WWOX: variants seen among roughly 807,000 people sequenced by gnomAD.
WWOX encodes WW domain containing oxidoreductase, also known as WW domain-containing oxidoreductase.
Under a neutral mutation model 46.2 loss-of-function variants are expected in WWOX, and 69 were observed. The ratio of observed to expected loss-of-function variants is 1.49; its 90% CI spans 1.23 to 1.82. The LOEUF (loss-of-function observed/expected upper bound fraction) is 1.82. Ranked by LOEUF, WWOX falls within the 40% of genes most tolerant of loss-of-function variation. WWOX has a pLI of 0.00. For synonymous variants in WWOX, 359 were observed against 202.6 expected (o/e 1.77, Z -6.56); for missense variants, 919 against 542.6 (o/e 1.69, Z -6.89).
chr16:78,545,713 A>T (rs1353539134), intron 8 of WWOX, among the ~76,000 whole-genome samples: 1 of 152,188 alleles, frequency 6.6e-6, no homozygotes, highest in Non-Finnish European at 1.5e-5. Context: ...TAAACATTAG[A>T]AACTTACTGT....
intron 8 of WWOX, among the ~76,000 whole-genome samples, chr16:78,781,045 T>G (rs557458569): frequency 3.3e-5 from 5 of 152,242 alleles, no homozygotes; most frequent in Non-Finnish European, 7.4e-5. Context: ...GAAGATTGTT[T>G]TGCAGCTGCA....
intron 8 of WWOX, among the ~76,000 whole-genome samples, chr16:78,450,753 A>C (rs74030272): frequency 0.073 from 11,119 of 152,224 alleles, 492 homozygotes; most frequent in East Asian, 0.2. Context: ...TTCTCTATAA[A>C]TATAAAAGAG....
chr16:78,758,461 G>A (rs923860785), intron 8 of WWOX, among the ~76,000 whole-genome samples: 5 of 152,190 alleles, frequency 3.3e-5, no homozygotes, highest in Non-Finnish European at 7.3e-5. Context: ...AATTGGTTAG[G>A]CATGTTTATT....
chr16:78,459,854 G>C (rs1200328947), intron 8 of WWOX, among the ~76,000 whole-genome samples: 1 of 151,292 alleles, frequency 6.6e-6, no homozygotes, highest in Non-Finnish European at 1.5e-5. Context: ...CAGGCTGCTG[G>C]AGTGCAGTGG....
At chr16:78,548,581 T>G (rs1477395407) in intron 8 of WWOX, among the ~76,000 whole-genome samples, 4 of 152,214 alleles carry the variant, frequency 2.6e-5, no homozygotes, top group African/African-American at 9.6e-5. Flanking sequence ...TCCCATCAAT[T>G]TAAACATCAT....
chr16:78,193,211 T>G (rs999073504), intron 5 of WWOX, among the ~76,000 whole-genome samples: 6 of 152,384 alleles, frequency 3.9e-5, no homozygotes, highest in Middle Eastern at 3.4e-3. Context: ...ACCAATGTAT[T>G]CTGCCCACAG....
chr16:78,864,642 C>G (rs1313286209), intron 8 of WWOX, among the ~76,000 whole-genome samples: 1 of 151,936 alleles, frequency 6.6e-6, no homozygotes, highest in African/African-American at 2.4e-5. Context: ...GTTGAGGTCC[C>G]ATTGGGCCCA....
rs1486300210 is a variant in WWOX at position 79,212,058 on chromosome 16, G to GAAA, written c.*262_*263insAAA. ...GTGGCCTGTTTGAAAGTAAAAACCT[G>GAAA]CTTGGTGTGTAGGTTCCGTATCTCC... On this transcript the variant is annotated 3_prime_UTR_variant, in exon 9 of 9. Transcript: ENST00000566780. 64 of 1,536,330 alleles carry GAAA rather than the reference G, an allele frequency of 4.2e-5. No homozygotes were observed. The highest frequency in any genetic ancestry group is 5.5e-5 in the Non-Finnish European group (63 of 1,146,952).
At chr16:78,199,706 C>CAT (rs979930094) in intron 5 of WWOX, among the ~76,000 whole-genome samples, 66 of 152,302 alleles carry the variant, frequency 4.3e-4, no homozygotes, top group African/African-American at 1.5e-3. Context: ...GTCTGTGTCA[C>CAT]ATATACATGA....
At chr16:79,096,735 G>A (rs1344061550) in intron 8 of WWOX, among the ~76,000 whole-genome samples, 1 of 152,176 alleles carries the variant, frequency 6.6e-6, no homozygotes, top group Non-Finnish European at 1.5e-5. Context: ...AACAGGGCAG[G>A]TATTTCACCT....
intron 8 of WWOX, among the ~76,000 whole-genome samples, chr16:78,988,064 C>T (rs1421689263): frequency 6.6e-6 from 1 of 152,074 alleles, no homozygotes; most frequent in African/African-American, 2.4e-5. Flanking sequence ...AATTTCTGGT[C>T]TGGTGCTGTG....
At chr16:78,947,434 C>G (rs114613421) in intron 8 of WWOX, among the ~76,000 whole-genome samples, 150 of 152,282 alleles carry the variant, frequency 9.9e-4, no homozygotes, top group African/African-American at 3.2e-3. Flanking sequence ...CTTTTGAGTG[C>G]TAACTGAGAT....
chr16:78,520,624 G>A (rs1387242606), intron 8 of WWOX, among the ~76,000 whole-genome samples: 3 of 152,010 alleles, frequency 2.0e-5, no homozygotes, highest in Non-Finnish European at 2.9e-5. Flanking sequence ...CTGGGAGTGG[G>A]GTGGGGTGGG....
intron 8 of WWOX, among the ~76,000 whole-genome samples, chr16:78,961,997 C>T (rs2046279972): frequency 6.6e-6 from 1 of 152,132 alleles, no homozygotes; most frequent in Admixed American, 6.5e-5. Context: ...TCCCTTGTCT[C>T]TTGTCAGGAC....
chr16:78,144,117 G>A (rs928971923), intron 4 of WWOX, among the ~76,000 whole-genome samples: 2 of 152,028 alleles, frequency 1.3e-5, no homozygotes, highest in African/African-American at 4.8e-5. Flanking sequence ...CAGGCAATTT[G>A]TCAGTCTTAC....
chr16:78,392,016 A>G (rs139587137), intron 6 of WWOX, among the ~76,000 whole-genome samples: 1,734 of 151,700 alleles, frequency 0.011, 31 homozygotes, highest in South Asian at 0.051. Flanking sequence ...TTTCCTTAAA[A>G]AAATTTCTTT....
At position 79,111,298 on chromosome 16, in the gene WWOX, G is replaced by A. The variant is rs146383818; in HGVS notation, c.1057-100310G>A. ...TATCTGCAGATTCCTTTTTCTCATT[G>A]TTTCTCTGTCATGTTTAATTTTTGG... On this transcript the variant is annotated intron_variant, in intron 8 of 8. Coordinates refer to ENST00000566780, the MANE Select transcript of WWOX (RefSeq NM_016373.4). Among the ~76,000 whole-genome samples, 956 of 152,284 alleles carry A rather than the reference G, an allele frequency of 6.3e-3. 10 individuals carry two copies. The highest frequency in any genetic ancestry group is 0.022 in the African/African-American group (914 of 41,544).
intron 8 of WWOX, among the ~76,000 whole-genome samples, chr16:78,711,748 A>T (rs534373462): frequency 6.6e-6 from 1 of 152,198 alleles, no homozygotes; most frequent in Non-Finnish European, 1.5e-5. Context: ...GTGCTTTACT[A>T]TGAGTATTGA....
intron 5 of WWOX, among the ~76,000 whole-genome samples, chr16:78,292,190 A>G (rs1045411345): frequency 2.6e-5 from 4 of 151,222 alleles, no homozygotes; most frequent in Admixed American, 6.6e-5. Context: ...TCTGATCTAC[A>G]TGATGTCCTT....
Sources: gnomAD v4.1 joint callset for allele counts (sites outside exome capture counted in the v4.1 genomes callset) on GRCh38, gnomAD v4.1.1 for gene constraint, MANE v1.5 for transcripts, NCBI Gene and HGNC (gene_info 2026-07-23, HGNC 2026-07-21) for gene names.